THADA: variants seen among roughly 807,000 people sequenced by gnomAD.
THADA encodes THADA armadillo repeat containing, also known as tRNA (32-2'-O)-methyltransferase regulator THADA.
Under a neutral mutation model 219.8 loss-of-function variants are expected in THADA, and 213 were observed. The ratio of observed to expected loss-of-function variants is 0.97; its 90% CI spans 0.87 to 1.09. The LOEUF (loss-of-function observed/expected upper bound fraction) is 1.09, where lower values mean the gene tolerates loss of function less well. Ranked by LOEUF, THADA falls within the 50% of genes least tolerant of loss-of-function variation. The pLI, the probability that THADA is intolerant of heterozygous loss-of-function variation, is 0.00. For synonymous variants in THADA, 1,018 were observed against 828.9 expected, an observed-to-expected ratio of 1.23 and a Z score of -3.92; for missense variants, 2,956 against 2,311.3, an observed-to-expected ratio of 1.28 and a Z score of -5.72.
chr2:43,425,446 ATGTGTGTGTGTG>A (rs70963396), intron 28 of THADA, among the ~76,000 whole-genome samples: 100 of 140,512 alleles, frequency 7.1e-4, no homozygotes, highest in East Asian at 1.7e-3. Context: ...TTAAAATTGT[ATGTGTGTGTGTG>A]TGTGTGTGTG....
intron 16 of THADA, 89 bp downstream of exon 16, chr2:43,560,145 A>T (rs1318795929): frequency 2.6e-6 from 3 of 1,148,808 alleles, no homozygotes; most frequent in Non-Finnish European, 3.6e-6. Context: ...AGGCAGATGC[A>T]AAGCACATGA....
chr2:43,447,711 C>G (rs1205666817), intron 26 of THADA, among the ~76,000 whole-genome samples: 1 of 152,136 alleles, frequency 6.6e-6, no homozygotes. Context: ...ACAAGCCCAG[C>G]TGCTGAAATA....
At chr2:43,372,722 G>A (rs1670947550) in intron 29 of THADA, among the ~76,000 whole-genome samples, 2 of 152,200 alleles carry the variant, frequency 1.3e-5, no homozygotes, top group African/African-American at 4.8e-5. Flanking sequence ...GACTTCCATT[G>A]TGACAAGTGT....
At chr2:43,464,319 TA>T (rs66515632) in intron 26 of THADA, among the ~76,000 whole-genome samples, 2,376 of 149,276 alleles carry the variant, frequency 0.016, 33 homozygotes, top group Middle Eastern at 0.046. Flanking sequence ...ACAAGTAACT[TA>T]AAAAAAAAAG....
intron 34 of THADA, 98 bp from the exon 35 acceptor site, chr2:43,287,159 G>T: frequency 9.2e-7 from 1 of 1,089,534 alleles, no homozygotes; most frequent in Non-Finnish European, 1.3e-6. Context: ...CTGTAGATTA[G>T]CTCTTAGCTC....
In THADA at chr2:43,318,157, A is replaced by C. The variant is rs115249445; in HGVS notation, c.4438+2289T>G. On this transcript the variant is annotated intron_variant, in intron 31 of 37. Transcript: ENST00000405975. ...TGGGTTGAAGTAATCCTCCTGTCTC[A>C]GCCTCCCAAGTACCTAGGCCTACAG... Among the ~76,000 whole-genome samples, 675 of 152,140 alleles carry C rather than the reference A, an allele frequency of 4.4e-3. 7 individuals carry two copies. The highest frequency in any genetic ancestry group is 0.016 in the African/African-American group (646 of 41,500).
At chr2:43,246,014 A>C (rs1669103410) in intron 36 of THADA, among the ~76,000 whole-genome samples, 1 of 151,916 alleles carries the variant, frequency 6.6e-6, no homozygotes, top group South Asian at 2.1e-4. Context: ...TTTATCCAGA[A>C]TCCAGAAAGT....
intron 28 of THADA, among the ~76,000 whole-genome samples, chr2:43,402,908 C>T (rs1675044525): frequency 6.6e-6 from 1 of 152,218 alleles, no homozygotes; most frequent in Admixed American, 6.5e-5. Flanking sequence ...GAAAGAAGTC[C>T]TTTCCCAGGC....
intron 36 of THADA, among the ~76,000 whole-genome samples, chr2:43,259,270 A>AACTCAAGACT (rs975809559): frequency 1.4e-4 from 21 of 152,156 alleles, no homozygotes; most frequent in African/African-American, 4.6e-4. Context: ...TTGGGGCTGA[A>AACTCAAGACT]ACTCAAGACT....
chr2:43,463,701 A>G (rs903902858), intron 26 of THADA, among the ~76,000 whole-genome samples: 1 of 106,094 alleles, frequency 9.4e-6, no homozygotes, highest in Non-Finnish European at 1.9e-5. Context: ...GCAAATTCCA[A>G]TGGTGCCAAT....
At chr2:43,258,220 TA>T (rs201874937) in intron 36 of THADA, among the ~76,000 whole-genome samples, 4 of 151,592 alleles carry the variant, frequency 2.6e-5, no homozygotes, top group African/African-American at 7.2e-5. Flanking sequence ...ATACTTATAC[TA>T]AAAAAAAATA....
intron 15 of THADA, chr2:43,565,675 G>C (rs1698578049): frequency 6.6e-6 from 1 of 152,176 alleles, no homozygotes; most frequent in South Asian, 2.1e-4. Flanking sequence ...TCATGCTTTG[G>C]CCATTCCCTG....
chr2:43,455,924 G>T (rs1050615713), intron 26 of THADA, among the ~76,000 whole-genome samples: 6 of 152,118 alleles, frequency 3.9e-5, no homozygotes, highest in Admixed American at 1.3e-4. Context: ...ACCACACTGT[G>T]GTAGCTCTTT....
chr2:43,493,390 G>A (rs1303843157), intron 25 of THADA, among the ~76,000 whole-genome samples: 3 of 152,148 alleles, frequency 2.0e-5, no homozygotes, highest in Non-Finnish European at 4.4e-5. Context: ...AGCTACTAGT[G>A]AGGCTGAGGC....
At chr2:43,278,823 G>A (rs960155789) in intron 36 of THADA, among the ~76,000 whole-genome samples, 19 of 152,292 alleles carry the variant, frequency 1.2e-4, no homozygotes, top group African/African-American at 3.9e-4. Context: ...TAACTGATGA[G>A]GGGCCTTGCA....
rs760591847 is a variant in THADA, at chr2:43,577,046, T to C, written c.1013A>G (p.His338Arg). 1.2e-5 allele frequency: 19 copies of C among 1,613,108 alleles called. No homozygotes were observed. Among genetic ancestry groups the C allele is most frequent in the East Asian group, 4.5e-5 (2 of 44,888 alleles). Residue 338 changes from histidine (H) to arginine (R), a missense_variant, in exon 10 of 38, where the codon CAT becomes CGT. His to Arg is a conservative substitution (Grantham distance 29). Coordinates refer to ENST00000405975, the MANE Select transcript of THADA (RefSeq NM_022065.5). ...CTGTGAACTCAAGGTGAACAAAACA[T>C]GTGCAGTATCCAAGAGCAGGGCCTC... is the stretch of plus-strand genomic sequence containing the variant. Reference protein sequence around the residue: ...SGEALLLDTAHVLFTLSSQIK... With the variant: ...SGEALLLDTARVLFTLSSQIK...
chr2:43,472,747 G>A (rs1243351105), intron 26 of THADA, among the ~76,000 whole-genome samples: 1 of 152,036 alleles, frequency 6.6e-6, no homozygotes, highest in Non-Finnish European at 1.5e-5. Flanking sequence ...AACCCTACAT[G>A]GTATAACCCA....
chr2:43,403,534 G>A (rs894128752), intron 28 of THADA, among the ~76,000 whole-genome samples: 1 of 152,138 alleles, frequency 6.6e-6, no homozygotes, highest in South Asian at 2.1e-4. Context: ...ACAGGAACCA[G>A]AGGCTTCAAA....
intron 36 of THADA, among the ~76,000 whole-genome samples, chr2:43,268,429 C>T (rs889040747): frequency 1.3e-5 from 2 of 152,218 alleles, no homozygotes; most frequent in Non-Finnish European, 2.9e-5. Context: ...CCTCCCTGTA[C>T]TGGCCCGCCA....
Sources: gnomAD v4.1 joint callset for allele counts (sites outside exome capture counted in the v4.1 genomes callset) on GRCh38, gnomAD v4.1.1 for gene constraint, MANE v1.5 for transcripts, NCBI Gene and HGNC (gene_info 2026-07-23, HGNC 2026-07-21) for gene names.